Variants in CHN1 observed in about 807,000 individuals in gnomAD.
The protein encoded by CHN1 is chimerin 1, also known as N-chimaerin.
Under a neutral mutation model 59.5 loss-of-function variants are expected in CHN1, and 37 were observed. The ratio of observed to expected loss-of-function variants is 0.62; its 90% confidence interval spans 0.48 to 0.82. The LOEUF (loss-of-function observed/expected upper bound fraction) is 0.82, where lower values mean the gene tolerates loss of function less well. Among genes scored for constraint, CHN1 ranks in the 40% least tolerant of loss-of-function variants. CHN1 has a pLI of 0.00. For missense variants in CHN1, 469 were observed against 571.0 expected (o/e 0.82, Z 1.82); for synonymous variants, 206 against 200.4 (o/e 1.03, Z -0.24).
In CHN1 at chr2:174,846,906, T is replaced by C; in HGVS notation, c.601A>G (p.Lys201Glu). ...ATLKENEQIP[K>E]YEKIHNFKVH... ...TTGAAATTGTGAATCTTTTCATATT[T>C]TGGAATTTGCTCGTTTTCTTTCAGA... The change falls in exon 7 of 13, where the codon AAA (lysine) becomes GAA (glutamate). Residue 201 changes from lysine to glutamate, a missense_variant. Lys to Glu is a moderately conservative substitution (Grantham distance 56). This residue lies in a region of CHN1 where 81 missense variants were observed against 71.7 expected (regional missense o/e 1.13). Coordinates refer to ENST00000409900, the MANE Select transcript of CHN1 (RefSeq NM_001822.7). 1 of 1,551,872 alleles carries C rather than the reference T, an allele frequency of 6.4e-7. No homozygotes were observed. The highest frequency in any genetic ancestry group is 1.4e-5 in the African/African-American group (1 of 73,268).
At chr2:174,997,994 C>CAA (rs537594884) in intron 1 of CHN1, among the ~76,000 whole-genome samples, 3 of 74,944 alleles carry the variant, frequency 4.0e-5, no homozygotes, top group South Asian at 3.9e-4. Flanking sequence ...CTCGGGGGCG[C>CAA]AAAAAAAAAA....
In CHN1 at chr2:174,875,691, A is replaced by G. The variant is rs376694283; in HGVS notation, c.549+2149T>C. The G allele has an allele frequency of 2.0e-4, 83 of 411,410 alleles. 2 individuals carry two copies. In the Middle Eastern group the frequency reaches 4.0e-3, roughly 20 times the overall value. 25.5% of individuals were successfully genotyped at this position (411,410 alleles called of 1,614,324 possible). A position where few individuals can be genotyped will look rare whatever the true frequency, so the allele number is the denominator to read the frequency against. ...CTGAGGTAAAGAATTCACAGACAAG[A>G]GGGGTTTTAGCTATTAAGGGCCCAT... On this transcript the variant is annotated intron_variant, in intron 6 of 12. Transcript: ENST00000409900.
chr2:174,944,752 A>G (rs944288483), intron 3 of CHN1, 136 bp downstream of exon 3: 3 of 610,676 alleles, frequency 4.9e-6, no homozygotes, highest in Non-Finnish European at 8.6e-6. Flanking sequence ...AGAAAAATGT[A>G]TTCAAGTTAT....
intron 3 of CHN1, among the ~76,000 whole-genome samples, chr2:174,935,388 C>G (rs907972154): frequency 2.6e-5 from 4 of 152,176 alleles, no homozygotes; most frequent in African/African-American, 9.7e-5. Flanking sequence ...CAGAGCATCT[C>G]TAACAGATAT....
intron 3 of CHN1, among the ~76,000 whole-genome samples, chr2:174,924,338 C>T (rs945076180): frequency 6.6e-6 from 1 of 152,192 alleles, no homozygotes; most frequent in African/African-American, 2.4e-5. Flanking sequence ...TTCCTTCCCA[C>T]AACTTACCAC....
chr2:174,900,788 A>G (rs1202079347), intron 5 of CHN1, among the ~76,000 whole-genome samples: 14 of 152,186 alleles, frequency 9.2e-5, no homozygotes, highest in African/African-American at 3.4e-4. Context: ...CTGGGCAAAA[A>G]GAGCGAAACT....
chr2:174,915,133 A>G lies in CHN1; in HGVS notation c.185T>C (p.Leu62Pro). 1 of 1,612,070 alleles carries G rather than the reference A, an allele frequency of 6.2e-7. No individual in the cohort carries two copies. Among genetic ancestry groups the G allele is most frequent in the Non-Finnish European group, 8.5e-7 (1 of 1,179,170 alleles). The change falls in exon 5 of 13, where the codon CTC becomes CCC. Residue 62 changes from leucine to proline, a missense_variant. Physicochemically the swap from Leu to Pro is moderately conservative, Grantham distance 98. Around this residue, in one of 5 missense-constraint regions of CHN1, gnomAD observed 152 missense variants for 166.1 expected, o/e 0.92. Coordinates refer to ENST00000409900, the MANE Select transcript of CHN1 (RefSeq NM_001822.7). ...GMISREAADQLLIVAEGSYLI... is the reference protein window; with the variant it reads ...GMISREAADQPLIVAEGSYLI... ...GTAGCTCCCCTCAGCCACAATCAAG[A>G]GCTGGTCGGCTGCTTCTCTGGAGAT...
At chr2:174,969,874 A>G (rs1317431668) in intron 1 of CHN1, among the ~76,000 whole-genome samples, 4 of 152,138 alleles carry the variant, frequency 2.6e-5, no homozygotes, top group Non-Finnish European at 5.9e-5. Context: ...TGTGGTCTGT[A>G]AACACTTGTG....
At chr2:174,815,242 T>C (rs1685205655) in intron 8 of CHN1, among the ~76,000 whole-genome samples, 1 of 152,070 alleles carries the variant, frequency 6.6e-6, no homozygotes, top group Non-Finnish European at 1.5e-5. Flanking sequence ...GTGGTTGTGG[T>C]GGTGTGCGCC....
intron 1 of CHN1, among the ~76,000 whole-genome samples, chr2:175,000,198 T>C (rs1043287749): frequency 6.9e-6 from 1 of 145,238 alleles, no homozygotes; most frequent in African/African-American, 2.6e-5. Flanking sequence ...TAGAGTGCAG[T>C]GGTGTGATCT....
At chr2:174,821,505 C>T (rs1685495874) in intron 8 of CHN1, among the ~76,000 whole-genome samples, 1 of 152,162 alleles carries the variant, frequency 6.6e-6, no homozygotes, top group Non-Finnish European at 1.5e-5. Context: ...TCAGGTGTTG[C>T]TAATGTGAGA....
chr2:174,885,672 T>G (rs1276698407), intron 5 of CHN1, among the ~76,000 whole-genome samples: 1 of 152,092 alleles, frequency 6.6e-6, no homozygotes, highest in African/African-American at 2.4e-5. Flanking sequence ...GGTTTTGCCA[T>G]GTTGGCCAGG....
Position 174,983,201 on chromosome 2 carries a change from G to A in CHN1, c.19+21693C>T, listed in dbSNP as rs527929710. 2.0e-5 allele frequency among the ~76,000 whole-genome samples: 3 copies of A among 152,178 alleles called. No individual in the cohort carries two copies. In the South Asian group the frequency reaches 6.2e-4, roughly 32 times the overall value. On this transcript the variant is annotated intron_variant, in intron 1 of 12. Coordinates refer to ENST00000409900, the MANE Select transcript of CHN1 (RefSeq NM_001822.7). The stretch of plus-strand genomic sequence containing the variant: ...ATTAATCATGGAGCTTATGATTGCT[G>A]TATTTTACTTTTTTAGTTCTTTTTA...
At chr2:174,938,591 CA>C (rs918633887) in intron 3 of CHN1, among the ~76,000 whole-genome samples, 2 of 152,074 alleles carry the variant, frequency 1.3e-5, no homozygotes, top group Admixed American at 6.6e-5. Context: ...AGAGAACGGT[CA>C]AATATAGAAA....
At chr2:174,942,158 G>A (rs184655596) in intron 3 of CHN1, among the ~76,000 whole-genome samples, 3 of 152,216 alleles carry the variant, frequency 2.0e-5, no homozygotes, top group African/African-American at 4.8e-5. Context: ...TCATTACTGG[G>A]GTTATATCCA....
At chr2:174,935,078 T>C (rs1430374477) in intron 3 of CHN1, among the ~76,000 whole-genome samples, 5 of 152,242 alleles carry the variant, frequency 3.3e-5, no homozygotes, top group Non-Finnish European at 7.3e-5. Context: ...GCTTAGGACA[T>C]AGAACCCTTT....
At chr2:174,865,119 G>A (rs758391836) in intron 6 of CHN1, among the ~76,000 whole-genome samples, 2 of 152,062 alleles carry the variant, frequency 1.3e-5, no homozygotes, top group Non-Finnish European at 2.9e-5. Context: ...TTAAAAATTC[G>A]ATATCATAGG....
At chr2:174,893,715 T>G (rs936654949) in intron 5 of CHN1, among the ~76,000 whole-genome samples, 2 of 152,050 alleles carry the variant, frequency 1.3e-5, no homozygotes, top group Non-Finnish European at 2.9e-5. Flanking sequence ...GCCTCAAATA[T>G]CCTCATTTCA....
chr2:174,826,919 C>T (rs1685702384), intron 7 of CHN1, among the ~76,000 whole-genome samples: 1 of 152,072 alleles, frequency 6.6e-6, no homozygotes, highest in African/African-American at 2.4e-5. Flanking sequence ...GCATCCTGAG[C>T]CATTTGAGGC....
Sources: allele counts gnomAD v4.1 joint callset (sites outside exome capture counted in the v4.1 genomes callset), GRCh38; gene constraint gnomAD v4.1.1; regional missense constraint gnomAD v4.1.1; transcripts MANE v1.5; gene names NCBI Gene and HGNC (gene_info 2026-07-23, HGNC 2026-07-21).